GBE1: variants seen among roughly 807,000 people sequenced by gnomAD.
GBE1 encodes the protein 1,4-alpha-glucan branching enzyme 1.
A neutral mutation model predicts 88.8 loss-of-function variants in GBE1; 70 were observed. That is an observed-to-expected ratio of 0.79 (90% CI 0.65 to 0.96). The LOEUF (loss-of-function observed/expected upper bound fraction) is 0.96, where lower values mean the gene tolerates loss of function less well. Among genes scored for constraint, GBE1 ranks in the 40% least tolerant of loss-of-function variants. The probability of loss-of-function intolerance (pLI) is 0.00; values close to 1 mark genes in which losing one functional copy is unlikely to be tolerated. For synonymous variants in GBE1, 284 were observed against 300.1 expected, an observed-to-expected ratio of 0.95 and a Z score of 0.56; for missense variants, 872 against 871.0, an observed-to-expected ratio of 1.00 and a Z score of -0.01.
intron 3 of GBE1, among the ~76,000 whole-genome samples, chr3:81,666,048 T>C (rs1705110337): frequency 1.3e-5 from 2 of 152,136 alleles, no homozygotes; most frequent in African/African-American, 4.8e-5. Flanking sequence ...CTCTTATTAG[T>C]AATGGGTATG....
intron 7 of GBE1, among the ~76,000 whole-genome samples, chr3:81,629,295 T>C (rs1261990860): frequency 6.7e-6 from 1 of 149,856 alleles, no homozygotes; most frequent in Non-Finnish European, 1.5e-5. Flanking sequence ...TTTTTGTTCT[T>C]GCGATAGTTT....
chr3:81,504,013 GA>G, intron 14 of GBE1, among the ~76,000 whole-genome samples: 1 of 152,186 alleles, frequency 6.6e-6, no homozygotes, highest in Non-Finnish European at 1.5e-5. Flanking sequence ...GAGCAAGAGA[GA>G]GCAAGGAGGA....
rs780062215 is a variant in GBE1, at chr3:81,649,036, G to A, written c.556-45C>T. The A allele has an allele frequency of 2.2e-5, 28 of 1,286,836 alleles. No homozygotes were observed. The South Asian group carries it at 4.1e-4, about 19-fold the overall frequency. The allele number at this position is 1,286,836 out of a possible 1,614,324, so 79.7% of individuals were successfully genotyped here. A position where few individuals can be genotyped will look rare whatever the true frequency, so the allele number is the denominator to read the frequency against. Reference sequence around the variant, plus strand: ...GTATAGAGTTAAGCCAGGAATTCTGGTATGACACTACCTGATCAAGTATAT... The same window carrying A: ...GTATAGAGTTAAGCCAGGAATTCTGATATGACACTACCTGATCAAGTATAT... On this transcript the variant is annotated intron_variant, in intron 4 of 15. Coordinates refer to ENST00000429644, the MANE Select transcript of GBE1 (RefSeq NM_000158.4).
chr3:81,738,101 C>T (rs1206481568), intron 1 of GBE1, among the ~76,000 whole-genome samples: 4 of 151,570 alleles, frequency 2.6e-5, no homozygotes, highest in Non-Finnish European at 5.9e-5. Context: ...TTTATGGCTG[C>T]ATAGTATTCC....
At chr3:81,537,947 T>G (rs557925177) in intron 12 of GBE1, among the ~76,000 whole-genome samples, 2 of 152,100 alleles carry the variant, frequency 1.3e-5, no homozygotes, top group African/African-American at 4.8e-5. Context: ...AGTTTCCATT[T>G]TGAGAATCAA....
intron 12 of GBE1, among the ~76,000 whole-genome samples, chr3:81,569,543 C>T (rs995039038): frequency 2.6e-5 from 4 of 152,172 alleles, no homozygotes; most frequent in Non-Finnish European, 5.9e-5. Flanking sequence ...CCATTAACAT[C>T]CTTCTGGCCA....
chr3:81,758,170 T>G (rs1474070347), intron 1 of GBE1, among the ~76,000 whole-genome samples: 1 of 152,222 alleles, frequency 6.6e-6, no homozygotes, highest in African/African-American at 2.4e-5. Context: ...ATCACTTAGT[T>G]TCTTCATCTG....
At chr3:81,597,127 T>A (rs1037600134) in intron 7 of GBE1, among the ~76,000 whole-genome samples, 1 of 151,908 alleles carries the variant, frequency 6.6e-6, no homozygotes, top group African/African-American at 2.4e-5. Flanking sequence ...AGTCAGAGTA[T>A]AACAATGTCT....
At chr3:81,700,299 C>T (rs549992010) in intron 2 of GBE1, among the ~76,000 whole-genome samples, 79 of 152,218 alleles carry the variant, frequency 5.2e-4, no homozygotes, top group African/African-American at 1.8e-3. Flanking sequence ...AAACGGCTTC[C>T]AACCAGTAAA....
intron 3 of GBE1, among the ~76,000 whole-genome samples, chr3:81,667,750 G>A (rs1317758519): frequency 1.3e-5 from 2 of 152,132 alleles, no homozygotes; most frequent in Non-Finnish European, 2.9e-5. Flanking sequence ...GATTACATTA[G>A]TTGATTTGCA....
At chr3:81,750,605 A>ATATATATACGTATATATATATGTGTG (rs1706500449) in intron 1 of GBE1, among the ~76,000 whole-genome samples, 1 of 35,540 alleles carries the variant, frequency 2.8e-5, no homozygotes, top group Non-Finnish European at 5.2e-5. Context: ...ATATATGTGT[A>ATATATATACGTATATATATATGTGTG]TATATATATA....
At chr3:81,739,108 C>G (rs1338941754) in intron 1 of GBE1, among the ~76,000 whole-genome samples, 2 of 152,104 alleles carry the variant, frequency 1.3e-5, no homozygotes, top group Non-Finnish European at 2.9e-5. Flanking sequence ...GGGTAGAACC[C>G]TCAGGATCTA....
intron 3 of GBE1, among the ~76,000 whole-genome samples, chr3:81,658,746 T>C (rs1482208282): frequency 1.3e-5 from 2 of 152,178 alleles, no homozygotes; most frequent in Non-Finnish European, 2.9e-5. Context: ...TCATTTCAAG[T>C]ACATTACCTG....
intron 3 of GBE1, among the ~76,000 whole-genome samples, chr3:81,655,721 T>G (rs949156758): frequency 6.6e-6 from 1 of 151,998 alleles, no homozygotes; most frequent in African/African-American, 2.4e-5. Flanking sequence ...GGTTTCACCA[T>G]GTCGGCCAGG....
intron 8 of GBE1, among the ~76,000 whole-genome samples, chr3:81,592,119 C>G: frequency 6.6e-6 from 1 of 152,090 alleles, no homozygotes; most frequent in Non-Finnish European, 1.5e-5. Flanking sequence ...ACTGTCACCA[C>G]CCATAGTTAC....
chr3:81,691,763 A>G (rs1196929251), intron 2 of GBE1, among the ~76,000 whole-genome samples: 4 of 152,196 alleles, frequency 2.6e-5, no homozygotes, highest in African/African-American at 9.6e-5. Flanking sequence ...ACAGAGCAAG[A>G]CCAGGTCTCA....
chr3:81,552,095 A>G (rs1703279637), intron 12 of GBE1, among the ~76,000 whole-genome samples: 1 of 152,228 alleles, frequency 6.6e-6, no homozygotes, highest in Non-Finnish European at 1.5e-5. Context: ...ACTTTGGTTG[A>G]TCTGGCCAAA....
chr3:81,512,180 C>T (rs1376447495), intron 14 of GBE1, among the ~76,000 whole-genome samples: 2 of 151,782 alleles, frequency 1.3e-5, no homozygotes, highest in African/African-American at 4.8e-5. Flanking sequence ...ACAATAGATA[C>T]TGGGGATTAC....
chr3:81,633,323 A>T (rs1704544434), intron 7 of GBE1, among the ~76,000 whole-genome samples: 1 of 152,262 alleles, frequency 6.6e-6, no homozygotes, highest in African/African-American at 2.4e-5. Context: ...GATAAACTAT[A>T]ATCTTATTAG....
Sources: gnomAD v4.1 joint callset for allele counts (sites outside exome capture counted in the v4.1 genomes callset) on GRCh38, gnomAD v4.1.1 for gene constraint, MANE v1.5 for transcripts, NCBI Gene and HGNC (gene_info 2026-07-23, HGNC 2026-07-21) for gene names.